The following DNHD1 variants were observed in gnomAD, a reference collection of about 807,000 sequenced individuals.
DNHD1 encodes the protein dynein heavy chain domain-containing protein 1.
Under a neutral mutation model 458.1 loss-of-function variants are expected in DNHD1, and 383 were observed. The observed-to-expected ratio is 0.84, with a 90% CI of 0.77 to 0.91. The LOEUF is 0.91. DNHD1 is among the 40% of genes least tolerant of loss of function. DNHD1 has a pLI of 0.00. For synonymous variants in DNHD1, 2,203 were observed against 2,376.9 expected (o/e 0.93, Z 2.13); for missense variants, 5,336 against 5,866.1 (o/e 0.91, Z 2.95).
chr11:6,526,512 A>C (rs1852714898), intron 10 of DNHD1, among the ~76,000 whole-genome samples: 1 of 152,048 alleles, frequency 6.6e-6, no homozygotes, highest in Non-Finnish European at 1.5e-5. Context: ...CTCATAGAAA[A>C]CTGGAAATTT....
chr11:6,508,107 A>C (rs1852262785), intron 4 of DNHD1: 1 of 152,090 alleles, frequency 6.6e-6, no homozygotes, highest in Non-Finnish European at 1.5e-5. Flanking sequence ...ATATAAAGAA[A>C]ACTGAAAAAT....
At chr11:6,507,860 T>C (rs1037553500) in intron 4 of DNHD1, among the ~76,000 whole-genome samples, 1 of 152,248 alleles carries the variant, frequency 6.6e-6, no homozygotes, top group African/African-American at 2.4e-5. Context: ...CTTAAGAAAC[T>C]TTAGTAACTT....
At chr11:6,503,964 T>C (rs1852184981) in intron 4 of DNHD1, 1 of 152,224 alleles carries the variant, frequency 6.6e-6, no homozygotes, top group African/African-American at 2.4e-5. Context: ...ATGAGTGGAC[T>C]GATACATAAG....
intron 18 of DNHD1, 135 bp from the exon 19 acceptor site, chr11:6,543,985 AG>A (rs869240418): frequency 2.5e-5 from 12 of 477,364 alleles, no homozygotes; most frequent in South Asian, 1.2e-4. Flanking sequence ...AAAAAAAAAA[AG>A]GGAAAGAAAA....
chr11:6,567,205 A>G lies in DNHD1; in HGVS notation c.11696A>G (p.His3899Arg). 6.2e-7 allele frequency: 1 copy of G among 1,613,992 alleles called. No individual in the cohort carries two copies. The highest frequency in any genetic ancestry group is 8.5e-7 in the Non-Finnish European group (1 of 1,179,900). Residue 3899 changes from histidine (H) to arginine (R), a missense_variant, in exon 36 of 43, where the codon CAC (histidine) becomes CGC (arginine). Physicochemically the swap from His to Arg is conservative, Grantham distance 29. Transcript: ENST00000254579. ...AGCATGAAGCCACGTGAGATTAATCACGGGGAGGACCTGGCCAGCCATCTA... is the reference window on the plus strand; with the variant it reads ...AGCATGAAGCCACGTGAGATTAATCGCGGGGAGGACCTGGCCAGCCATCTA... ...LDSMKPREIN[H>R]GEDLASHLLQ...
At chr11:6,515,767 T>G (rs919576359) in intron 7 of DNHD1, among the ~76,000 whole-genome samples, 2 of 150,628 alleles carry the variant, frequency 1.3e-5, no homozygotes, top group African/African-American at 4.9e-5. Flanking sequence ...TATTCAAATA[T>G]TCTATAGACA....
At position 6,571,361 on chromosome 11, in the gene DNHD1, T is replaced by C. The variant is rs1253822553; in HGVS notation, c.13849T>C (p.Ser4617Pro). The C allele has an allele frequency of 6.2e-7, 1 of 1,612,500 alleles. No individual in the cohort carries two copies. Among genetic ancestry groups the C allele is most frequent in the South Asian group, 1.1e-5 (1 of 90,778 alleles). ...CTCGAATTTCCCTGGTAGCCGAGGC[T>C]CGGTCTCCAGTCAGCTCCAGTATAA... ...PSSNFPGSRG[S>P]VSSQLQYKRL... Residue 4617 changes from serine (S) to proline (P), a missense_variant, in exon 42 of 43, where the codon TCG (serine) becomes CCG (proline). By Grantham distance (74) the Ser-to-Pro change is moderately conservative (BLOSUM62 -1). Coordinates refer to ENST00000254579, the MANE Select transcript of DNHD1 (RefSeq NM_144666.3). This position sits in a 1 kb window ranked among gnomAD's most constrained non-coding sequence, Gnocchi z 5.0.
intron 26 of DNHD1, 89 bp from the exon 27 acceptor site, chr11:6,558,813 A>T: frequency 6.6e-7 from 1 of 1,509,442 alleles, no homozygotes; most frequent in Non-Finnish European, 9.0e-7. Flanking sequence ...CACATTTCCT[A>T]CCCTTCTTCC....
chr11:6,564,651 C>T lies in DNHD1; in HGVS notation c.10603C>T (p.His3535Tyr). Residue 3535 changes from histidine to tyrosine, a missense_variant, in exon 32 of 43, where the codon CAC becomes TAC. His to Tyr is a moderately conservative substitution (Grantham distance 83). Coordinates refer to ENST00000254579, the MANE Select transcript of DNHD1 (RefSeq NM_144666.3). ...CCTGAAGCCACAGGCAAAGTCGGCC[C>T]ACCTGGCAGGCTTGCTTCTGCGAAG... is the stretch of plus-strand genomic sequence containing the variant. Reference protein sequence around the residue: ...GNLKPQAKSAHLAGLLLRSPT... With the variant: ...GNLKPQAKSAYLAGLLLRSPT... 4 of 1,551,706 alleles carry T rather than the reference C, an allele frequency of 2.6e-6. No individual in the cohort carries two copies. The highest frequency in any genetic ancestry group is 3.5e-6 in the Non-Finnish European group (4 of 1,147,000).
In DNHD1 at chr11:6,528,687, G is replaced by A. The variant is rs1469849061; in HGVS notation, c.2003G>A (p.Arg668Gln). 28 of 1,551,584 alleles carry A rather than the reference G, an allele frequency of 1.8e-5. No individual in the cohort carries two copies. Among genetic ancestry groups the A allele is most frequent in the Admixed American group, 5.9e-5 (3 of 50,982 alleles). Residue 668 changes from arginine (R) to glutamine (Q), a missense_variant, in exon 11 of 43, where the codon CGG becomes CAG. Arg to Gln is a conservative substitution (Grantham distance 43, BLOSUM62 1). This residue lies in a region of DNHD1 where 3,932 missense variants were observed against 4,365.6 expected (regional missense o/e 0.90). Transcript: ENST00000254579. Reference sequence around the variant, plus strand: ...TTGGAGGTCCGTGGATGTCGGCTGCGGGGCCAATACTTCCCCCACAATTAT... The same window carrying A: ...TTGGAGGTCCGTGGATGTCGGCTGCAGGGCCAATACTTCCCCCACAATTAT... ...GILEVRGCRLRGQYFPHNYKQ... is the reference protein window; with the variant it reads ...GILEVRGCRLQGQYFPHNYKQ...
At position 6,566,886 on chromosome 11, in the gene DNHD1, T is replaced by C; in HGVS notation, c.11386-9T>C. On this transcript the variant is annotated splice_polypyrimidine_tract_variant and intron_variant, in intron 35 of 42. Transcript: ENST00000254579. The stretch of plus-strand genomic sequence containing the variant: ...GGGCCAGATCCATCCAACAAATGAG[T>C]GTATGCAGGAGCGGCTGCTGACGAT... 5 of 1,609,598 alleles carry C rather than the reference T, an allele frequency of 3.1e-6. No individual in the cohort carries two copies. The highest frequency in any genetic ancestry group is 1.7e-4 in the Middle Eastern group (1 of 6,042).
At chr11:6,562,544 A>T (rs756293324) in intron 28 of DNHD1, among the ~76,000 whole-genome samples, 60 of 152,084 alleles carry the variant, frequency 3.9e-4, no homozygotes, top group Non-Finnish European at 6.9e-4. Context: ...TTGATGAGGA[A>T]TAGTTAAGGG....
chr11:6,566,019 C>A (rs1253631761), intron 33 of DNHD1, 28 bp downstream of exon 33: 1 of 1,441,220 alleles, frequency 6.9e-7, no homozygotes, highest in Admixed American at 2.0e-5. Flanking sequence ...CCCACCCTGG[C>A]CCCTTTTTGA....
At chr11:6,506,721 C>G (rs1419298774) in intron 4 of DNHD1, among the ~76,000 whole-genome samples, 1 of 152,178 alleles carries the variant, frequency 6.6e-6, no homozygotes, top group Non-Finnish European at 1.5e-5. Flanking sequence ...AATTGCACTT[C>G]CTTCTCCCCT....
At position 6,511,264 on chromosome 11, in the gene DNHD1, T is replaced by C. The variant is rs1164354569; in HGVS notation, c.1236-9T>C. 6.2e-7 allele frequency: 1 copy of C among 1,613,842 alleles called. No homozygotes were observed. Among genetic ancestry groups the C allele is most frequent in the Admixed American group, 1.7e-5 (1 of 59,968 alleles). ...TGCCAGCTCTGACCAGCTTAGTCCT[T>C]GATTCTAGGCTTCTGCAGGAGCTAC... is the stretch of plus-strand genomic sequence containing the variant. On this transcript the variant is annotated splice_polypyrimidine_tract_variant and intron_variant, in intron 6 of 42. Coordinates refer to ENST00000254579, the MANE Select transcript of DNHD1 (RefSeq NM_144666.3).
chr11:6,544,557 T>A lies in DNHD1; in HGVS notation c.3755-17T>A. On this transcript the variant is annotated splice_polypyrimidine_tract_variant and intron_variant, in intron 19 of 42. Coordinates refer to ENST00000254579, the MANE Select transcript of DNHD1 (RefSeq NM_144666.3). ...CCCTAGTGTTTCCCACCAGCATTCC[T>A]CTGGCTGCTTACACAGGTGCCCTGC... 6.5e-7 allele frequency: 1 copy of A among 1,546,096 alleles called. No homozygotes were observed. Among genetic ancestry groups the A allele is most frequent in the Non-Finnish European group, 8.8e-7 (1 of 1,142,164 alleles).
chr11:6,498,108 G>C lies in DNHD1; in HGVS notation c.-108G>C. The C allele has an allele frequency of 6.7e-7, 1 of 1,485,008 alleles. No individual in the cohort carries two copies. The allele number at this position is 1,485,008 out of a possible 1,614,324, so 92.0% of individuals were successfully genotyped here. Reference sequence around the variant, plus strand: ...AGGTCCCTTCTCTGGCCCCTCTGCTGGGCTGGCCCATGCAGGTGAGGCCCC... The same window carrying C: ...AGGTCCCTTCTCTGGCCCCTCTGCTCGGCTGGCCCATGCAGGTGAGGCCCC... On this transcript the variant is annotated 5_prime_UTR_variant, in exon 3 of 43. Coordinates refer to ENST00000254579, the MANE Select transcript of DNHD1 (RefSeq NM_144666.3).
At chr11:6,565,622 C>T in intron 32 of DNHD1, 73 bp from the exon 33 acceptor site, 1 of 1,405,548 alleles carries the variant, frequency 7.1e-7, no homozygotes, top group Non-Finnish European at 9.5e-7. Flanking sequence ...AAATGGAGCC[C>T]TTCAGTGAAT....
chr11:6,559,420 C>G, intron 28 of DNHD1, 137 bp downstream of exon 28: 1 of 725,342 alleles, frequency 1.4e-6, no homozygotes, highest in Middle Eastern at 3.8e-4. Context: ...TCTCTGATCT[C>G]CGCTGCCTCC....
Sources: gnomAD v4.1 joint callset for allele counts (sites outside exome capture counted in the v4.1 genomes callset) on GRCh38, gnomAD v4.1.1 for gene constraint, gnomAD v4.1.1 regional missense constraint, Gnocchi (gnomAD v3.1) non-coding constraint, MANE v1.5 for transcripts, NCBI Gene and HGNC (gene_info 2026-07-23, HGNC 2026-07-21) for gene names.